MBNL2: variants seen among roughly 807,000 people sequenced by gnomAD.
MBNL2 encodes the protein muscleblind like splicing regulator 2.
MBNL2 carries 17 observed loss-of-function variants against 41.9 expected under a neutral mutation model. The observed-to-expected ratio is 0.41, with a 90% CI of 0.28 to 0.61. The LOEUF (loss-of-function observed/expected upper bound fraction) is 0.61, where lower values mean the gene tolerates loss of function less well. Among genes scored for constraint, MBNL2 ranks in the 20% least tolerant of loss-of-function variants. MBNL2 has a pLI of 0.35. For missense variants in MBNL2, 336 were observed against 505.6 expected, an observed-to-expected ratio of 0.66 and a Z score of 3.22; for synonymous variants, 195 against 182.9, an observed-to-expected ratio of 1.07 and a Z score of -0.53.
chr13:97,371,298 C>T (rs780893289), intron 8 of MBNL2, among the ~76,000 whole-genome samples: 3 of 151,966 alleles, frequency 2.0e-5, no homozygotes, highest in African/African-American at 4.8e-5. Flanking sequence ...ATTTATACTC[C>T]GAATCTTTCC....
chr13:97,253,762 AT>A (rs2047017408), intron 1 of MBNL2, among the ~76,000 whole-genome samples: 1 of 131,974 alleles, frequency 7.6e-6, no homozygotes, highest in Non-Finnish European at 1.5e-5. Context: ...ATTAATACGT[AT>A]TAATTTATTA....
intron 2 of MBNL2, among the ~76,000 whole-genome samples, chr13:97,280,453 G>T (rs1038976402): frequency 6.6e-6 from 1 of 152,066 alleles, no homozygotes; most frequent in Non-Finnish European, 1.5e-5. Flanking sequence ...CAGAGTATGG[G>T]GGAAAATTGT....
chr13:97,254,677 G>A (rs2047192510), intron 1 of MBNL2, among the ~76,000 whole-genome samples: 1 of 151,934 alleles, frequency 6.6e-6, no homozygotes, highest in Non-Finnish European at 1.5e-5. Flanking sequence ...AGGGATATGA[G>A]ACCCTCTAAA....
At chr13:97,256,728 G>A (rs2047618376) in intron 1 of MBNL2, among the ~76,000 whole-genome samples, 1 of 152,200 alleles carries the variant, frequency 6.6e-6, no homozygotes. Context: ...TGGTAGAGAG[G>A]AGGAAACTGA....
chr13:97,203,873 AATGGATGG>A, the MBNL2 span, among the ~76,000 whole-genome samples: 13,099 of 149,488 alleles, frequency 0.088, 603 homozygotes, highest in Middle Eastern at 0.12. Context: ...ATGATAAGTG[AATGGATGG>A]ATGGATGGAT....
intron 8 of MBNL2, among the ~76,000 whole-genome samples, chr13:97,374,473 A>G (rs1426773249): frequency 2.1e-5 from 3 of 146,268 alleles, no homozygotes; most frequent in African/African-American, 7.7e-5. Flanking sequence ...GGCTCACTGC[A>G]ACCTGCGCCT....
intron 1 of MBNL2, among the ~76,000 whole-genome samples, chr13:97,237,627 A>G (rs919140743): frequency 7.9e-5 from 12 of 152,242 alleles, no homozygotes; most frequent in African/African-American, 2.9e-4. Flanking sequence ...AAGGATAGAT[A>G]AAATCACATT....
At chr13:97,278,251 C>CAAAAAAAAAAA (rs10606011) in intron 2 of MBNL2, among the ~76,000 whole-genome samples, 3 of 40,532 alleles carry the variant, frequency 7.4e-5, no homozygotes, top group African/African-American at 3.4e-4. Context: ...GAGACTGTCT[C>CAAAAAAAAAAA]AAAAAAAAAA....
At chr13:97,256,507 G>A (rs985360665) in intron 1 of MBNL2, among the ~76,000 whole-genome samples, 11 of 152,112 alleles carry the variant, frequency 7.2e-5, no homozygotes, top group South Asian at 2.1e-4. Flanking sequence ...TGAGTCATTC[G>A]TACTGGAAAA....
intron 1 of MBNL2, among the ~76,000 whole-genome samples, chr13:97,258,205 C>T (rs1358475789): frequency 6.6e-6 from 1 of 151,432 alleles, no homozygotes; most frequent in Non-Finnish European, 1.5e-5. Flanking sequence ...TGCTTTGTTG[C>T]CAGGGTTTTT....
In MBNL2 at chr13:97,282,339, A is replaced by G. The variant is rs143146796; in HGVS notation, c.174+5930A>G. On this transcript the variant is annotated intron_variant, in intron 2 of 8. Coordinates refer to ENST00000679496, the MANE Select transcript of MBNL2 (RefSeq NM_001382683.1). ...CACTGTACTCCAGCCTGGGGGACACAGCAAGACTTCATCTCAAGAAAAAAA... is the reference window on the plus strand; with the variant it reads ...CACTGTACTCCAGCCTGGGGGACACGGCAAGACTTCATCTCAAGAAAAAAA... Among the ~76,000 whole-genome samples, 716 of 152,296 alleles carry G rather than the reference A, an allele frequency of 4.7e-3. 6 individuals are homozygous for G. The highest frequency in any genetic ancestry group is 0.016 in the African/African-American group (676 of 41,552).
At chr13:97,213,033 G>A in the MBNL2 span, among the ~76,000 whole-genome samples, 1 of 152,124 alleles carries the variant, frequency 6.6e-6, no homozygotes, top group East Asian at 1.9e-4. Context: ...GTCCAGACAG[G>A]AGATCCTGGA....
At chr13:97,201,607 CTATT>C in the MBNL2 span, among the ~76,000 whole-genome samples, 83 of 152,196 alleles carry the variant, frequency 5.5e-4, no homozygotes, top group African/African-American at 1.9e-3. Context: ...AAACTTTTAT[CTATT>C]CATTATAATT....
chr13:97,221,578 T>G (rs779388012), upstream of MBNL2: 11 of 152,166 alleles, frequency 7.2e-5, no homozygotes, highest in Non-Finnish European at 1.3e-4. Flanking sequence ...ATGCACAGTA[T>G]TTATCAAATG....
the MBNL2 span, among the ~76,000 whole-genome samples, chr13:97,148,579 T>C: frequency 6.6e-6 from 1 of 152,124 alleles, no homozygotes; most frequent in Non-Finnish European, 1.5e-5. Flanking sequence ...GTATGGGAAA[T>C]TTCTGTACCT....
chr13:97,241,687 C>T (rs2044310302), intron 1 of MBNL2, among the ~76,000 whole-genome samples: 1 of 152,180 alleles, frequency 6.6e-6, no homozygotes, highest in Non-Finnish European at 1.5e-5. Context: ...AAACATTGCA[C>T]ACACGCACGT....
In MBNL2 at chr13:97,392,500, T is replaced by C. The variant is rs1314641506; in HGVS notation, c.*1051T>C. ...TGGAAAAAAATAGTTCTTTTAATTC[T>C]TTCACCTTAAAGCATATTTTATGTC... On this transcript the variant is annotated 3_prime_UTR_variant, in exon 9 of 9. Transcript: ENST00000679496. 1.3e-5 allele frequency: 2 copies of C among 152,524 alleles called. No homozygotes were observed. The highest frequency in any genetic ancestry group is 4.8e-5 in the African/African-American group (2 of 41,446). The allele number at this position is 152,524 out of a possible 1,614,324, so 9.4% of individuals were successfully genotyped here. A position where few individuals can be genotyped will look rare whatever the true frequency, so the allele number is the denominator to read the frequency against.
chr13:97,180,496 G>A, the MBNL2 span, among the ~76,000 whole-genome samples: 1 of 151,990 alleles, frequency 6.6e-6, no homozygotes, highest in Non-Finnish European at 1.5e-5. Context: ...CAGCACTTTG[G>A]GAAGCTGAGG....
At chr13:97,278,423 C>A (rs991348495) in intron 2 of MBNL2, among the ~76,000 whole-genome samples, 1 of 152,048 alleles carries the variant, frequency 6.6e-6, no homozygotes, top group Non-Finnish European at 1.5e-5. Flanking sequence ...TTAAACATCA[C>A]AATTTTTGCC....
Sources: gnomAD v4.1 joint callset for allele counts (sites outside exome capture counted in the v4.1 genomes callset) on GRCh38, gnomAD v4.1.1 for gene constraint, MANE v1.5 for transcripts, NCBI Gene and HGNC (gene_info 2026-07-23, HGNC 2026-07-21) for gene names.